Variants in LPIN1 observed in about 807,000 individuals in gnomAD.
The protein encoded by LPIN1 is phosphatidate phosphatase LPIN1.
In LPIN1, 71 loss-of-function variants were observed where a neutral mutation model predicts 107.5. The observed-to-expected ratio is 0.66, with a 90% CI of 0.55 to 0.80. LPIN1 has a LOEUF of 0.80. Among genes scored for constraint, LPIN1 ranks in the 30% least tolerant of loss-of-function variants. The probability of loss-of-function intolerance (pLI) is 0.00; values close to 1 mark genes in which losing one functional copy is unlikely to be tolerated. For synonymous variants in LPIN1, 445 were observed against 452.6 expected (o/e 0.98, Z 0.21); for missense variants, 1,043 against 1,160.6 (o/e 0.90, Z 1.47).
intron 14 of LPIN1, among the ~76,000 whole-genome samples, chr2:11,798,390 G>GCT (rs1484326380): frequency 6.6e-6 from 1 of 152,146 alleles, no homozygotes; most frequent in Non-Finnish European, 1.5e-5. Flanking sequence ...TGCCAGCACT[G>GCT]CTCTTACTCT....
intron 1 of LPIN1, among the ~76,000 whole-genome samples, chr2:11,678,230 A>G (rs1351869675): frequency 6.6e-6 from 1 of 152,092 alleles, no homozygotes; most frequent in Non-Finnish European, 1.5e-5. Context: ...GGCTGTCCCT[A>G]CTGCCCTTTT....
rs559088022 is a variant in LPIN1 at position 11,690,112 on chromosome 2, G to GT, written c.81+12385dup. Among the ~76,000 whole-genome samples, 29 of 152,132 alleles carry GT rather than the reference G, an allele frequency of 1.9e-4. No homozygotes were observed. In the East Asian group the frequency reaches 4.1e-3, roughly 21 times the overall value. On this transcript the variant is annotated intron_variant, in intron 1 of 21. Coordinates refer to the LPIN1 transcript ENST00000449576. ...CTAAAAATTTCAGTTATTGTTTTCA[G>GT]TAAAAAAAAGAAAAATGTTAATTAT...
At chr2:11,818,380 G>A (rs1370266093) in intron 18 of LPIN1, 2 of 152,106 alleles carry the variant, frequency 1.3e-5, no homozygotes, top group Non-Finnish European at 2.9e-5. Context: ...AGCTGTAAAG[G>A]TCTGGCACAT....
chr2:11,753,664 T>A (rs994077137), intron 1 of LPIN1, among the ~76,000 whole-genome samples: 1 of 152,226 alleles, frequency 6.6e-6, no homozygotes, highest in Non-Finnish European at 1.5e-5. Context: ...TCCTCTTTTG[T>A]CACAGGTAAT....
At chr2:11,693,822 A>ATATATAT (rs1572328548) in intron 1 of LPIN1, among the ~76,000 whole-genome samples, 3 of 18,998 alleles carry the variant, frequency 1.6e-4, no homozygotes, top group African/African-American at 4.8e-4. Context: ...ATATATATAT[A>ATATATAT]TTTTTTTTTT....
At chr2:11,700,739 C>T (rs1662828738) in intron 1 of LPIN1, among the ~76,000 whole-genome samples, 1 of 152,154 alleles carries the variant, frequency 6.6e-6, no homozygotes, top group Non-Finnish European at 1.5e-5. Context: ...AATTAAACGT[C>T]CCCCTGGGCA....
chr2:11,734,478 T>C (rs1176650948), intron 1 of LPIN1, among the ~76,000 whole-genome samples: 1 of 152,232 alleles, frequency 6.6e-6, no homozygotes, highest in Non-Finnish European at 1.5e-5. Context: ...GACGGCACCC[T>C]TTATCCTTCT....
intron 1 of LPIN1, among the ~76,000 whole-genome samples, chr2:11,683,630 C>G (rs541925216): frequency 1.6e-4 from 24 of 152,342 alleles, no homozygotes; most frequent in African/African-American, 5.3e-4. Flanking sequence ...CCTGCCTCCT[C>G]CTGGACTCTA....
At chr2:11,747,821 A>T (rs1458358911) in intron 1 of LPIN1, among the ~76,000 whole-genome samples, 1 of 152,190 alleles carries the variant, frequency 6.6e-6, no homozygotes, top group Non-Finnish European at 1.5e-5. Context: ...GTTTGCCAGC[A>T]TTTGTTATTG....
In LPIN1 at chr2:11,691,098, T is replaced by TTTC. The variant is rs1553397774; in HGVS notation, c.81+13371_81+13372insTCT. Reference sequence around the variant, plus strand: ...ATCTTGTTGTGGTTTTTTTTTTTTTTTCTCTCTCCTTTAATACCCCTCACA... The same window carrying TTTC: ...ATCTTGTTGTGGTTTTTTTTTTTTTTTTCTCTCTCTCCTTTAATACCCCTCACA... On this transcript the variant is annotated intron_variant, in intron 1 of 21. Transcript: ENST00000449576. Among the ~76,000 whole-genome samples, 8 of 151,602 alleles carry TTTC rather than the reference T, an allele frequency of 5.3e-5. No individual in the cohort carries two copies. The East Asian group carries it at 5.8e-4, about 11-fold the overall frequency.
In LPIN1 at chr2:11,699,788, A is replaced by G. The variant is rs561010071; in HGVS notation, c.82-13968A>G. On this transcript the variant is annotated intron_variant, in intron 1 of 21. Transcript: ENST00000449576. Reference sequence around the variant, plus strand: ...CCAGCCTAATGGGGCACAGGCAAGCAAAGTGATATAAGCAAGGGCAATAGA... The same window carrying G: ...CCAGCCTAATGGGGCACAGGCAAGCGAAGTGATATAAGCAAGGGCAATAGA... Among the ~76,000 whole-genome samples the G allele has an allele frequency of 6.6e-5, 10 of 152,282 alleles. No individual in the cohort carries two copies. In the South Asian group the frequency reaches 2.1e-3, roughly 32 times the overall value.
intron 1 of LPIN1, among the ~76,000 whole-genome samples, chr2:11,726,012 G>A (rs769956031): frequency 2.6e-5 from 4 of 152,132 alleles, no homozygotes; most frequent in South Asian, 4.2e-4. Context: ...GACTGGCAGC[G>A]TTATTGCTGG....
At chr2:11,721,271 T>C (rs950870507), upstream of LPIN1, among the ~76,000 whole-genome samples, 143 of 146,830 alleles carry the variant, frequency 9.7e-4, no homozygotes, top group African/African-American at 3.0e-3. Flanking sequence ...TGCGTGTGTG[T>C]GTGTGTGTGT....
intron 1 of LPIN1, among the ~76,000 whole-genome samples, chr2:11,726,400 C>T (rs1450969040): frequency 1.3e-5 from 2 of 152,136 alleles, no homozygotes; most frequent in African/African-American, 2.4e-5. Flanking sequence ...ATCCTAAACA[C>T]GTTTTGAACT....
At chr2:11,693,803 TA>T (rs1457853108) in intron 1 of LPIN1, among the ~76,000 whole-genome samples, 4 of 22,892 alleles carry the variant, frequency 1.7e-4, no homozygotes, top group East Asian at 1.2e-3. Flanking sequence ...TATATATATA[TA>T]TATATATATA....
chr2:11,680,468 T>C (rs1359343967), intron 1 of LPIN1, among the ~76,000 whole-genome samples: 1 of 152,046 alleles, frequency 6.6e-6, no homozygotes, highest in Non-Finnish European at 1.5e-5. Context: ...TCTCTCCCTC[T>C]TCTGCAGGAG....
intron 14 of LPIN1, among the ~76,000 whole-genome samples, chr2:11,796,426 A>C (rs542983730): frequency 1.3e-5 from 2 of 152,060 alleles, no homozygotes; most frequent in Non-Finnish European, 2.9e-5. Context: ...ATTCTTTGCT[A>C]CAAACAGAAA....
chr2:11,808,315 T>C (rs557073991), intron 17 of LPIN1, among the ~76,000 whole-genome samples: 1 of 152,250 alleles, frequency 6.6e-6, no homozygotes, highest in South Asian at 2.1e-4. Flanking sequence ...TCAAGCCTCC[T>C]CACACGAGGG....
chr2:11,773,051 A>G (rs1672111281), intron 4 of LPIN1, among the ~76,000 whole-genome samples: 1 of 152,242 alleles, frequency 6.6e-6, no homozygotes, highest in Non-Finnish European at 1.5e-5. Flanking sequence ...ATCAACATAT[A>G]GACAGATGGC....
Sources: allele counts gnomAD v4.1 joint callset (sites outside exome capture counted in the v4.1 genomes callset), GRCh38; gene constraint gnomAD v4.1.1; transcripts MANE v1.5; gene names NCBI Gene and HGNC (gene_info 2026-07-23, HGNC 2026-07-21).